Variants in EZR observed in about 807,000 individuals in gnomAD.
EZR encodes the protein cytovillin 2.
A neutral mutation model predicts 74.8 loss-of-function variants in EZR; 40 were observed. The ratio of observed to expected loss-of-function variants is 0.53; its 90% CI spans 0.42 to 0.70. The LOEUF (loss-of-function observed/expected upper bound fraction) is 0.70, where lower values mean the gene tolerates loss of function less well. EZR is among the 30% of genes least tolerant of loss of function. EZR has a pLI of 0.00. For synonymous variants in EZR, 341 were observed against 283.3 expected (o/e 1.20, Z -2.05); for missense variants, 678 against 755.8 (o/e 0.90, Z 1.21).
Position 158,767,333 on chromosome 6 carries a change from G to A in EZR, c.1524C>T (p.Ile508=). ...GCTTCTCCTCATTGCGGTCATCCCG[G>A]ATGCCCTCACTAGACAGCTCCGCGC... ...GYSAELSSEG[I]RDDRNEEKRI... The change falls in exon 13 of 14, where the codon ATC becomes ATT. Residue 508 remains isoleucine, a synonymous_variant. Transcript: ENST00000367075. The A allele has an allele frequency of 6.8e-6, 11 of 1,614,080 alleles. No homozygotes were observed. The highest frequency in any genetic ancestry group is 1.1e-5 in the South Asian group (1 of 91,076).
At chr6:158,771,470 A>G (rs1791107061) in intron 8 of EZR, 63 bp from the exon 9 acceptor site, 1 of 1,510,958 alleles carries the variant, frequency 6.6e-7, no homozygotes, top group Non-Finnish European at 8.9e-7. Flanking sequence ...TCTCCAAACC[A>G]TCCTTCACAA....
chr6:158,767,841 T>C (rs551970504), intron 12 of EZR, among the ~76,000 whole-genome samples: 1 of 152,148 alleles, frequency 6.6e-6, no homozygotes, highest in Non-Finnish European at 1.5e-5. Context: ...CCTCCCTTCA[T>C]GCCACAGTCA....
chr6:158,785,311 T>C lies in EZR; in HGVS notation c.465A>G (p.Gln155=), dbSNP rs1213941715. 6 of 1,613,718 alleles carry C rather than the reference T, an allele frequency of 3.7e-6. No individual in the cohort carries two copies. The Admixed American group carries it at 6.7e-5, about 18-fold the overall frequency. Residue 155 remains glutamine (Q), a splice_region_variant and synonymous_variant, in exon 5 of 14, where the codon CAA becomes CAG. Coordinates refer to ENST00000367075, the MANE Select transcript of EZR (RefSeq NM_001111077.2). ...AGGCCGGGTCATCCTGTGCTCACCT[T>C]TGAGGGATCAGCCGCTCAGAGCTGA... ...GYLSSERLIP[Q]RVMDQHKLTR...
At chr6:158,796,382 C>T (rs1777072494) in intron 2 of EZR, among the ~76,000 whole-genome samples, 2 of 152,256 alleles carry the variant, frequency 1.3e-5, no homozygotes, top group African/African-American at 2.4e-5. Flanking sequence ...ATCCTCTTTG[C>T]TCATTCCCTG....
intron 2 of EZR, among the ~76,000 whole-genome samples, chr6:158,814,943 C>CA (rs1214346866): frequency 6.6e-6 from 1 of 152,152 alleles, no homozygotes; most frequent in Non-Finnish European, 1.5e-5. Flanking sequence ...GTCATCCACT[C>CA]ACTCAGTTCA....
chr6:158,791,600 A>T (rs942852602), intron 2 of EZR, among the ~76,000 whole-genome samples: 1 of 151,624 alleles, frequency 6.6e-6, no homozygotes, highest in Admixed American at 6.6e-5. Flanking sequence ...TCTGCTATCT[A>T]CTGGTTCAGA....
chr6:158,796,789 C>T (rs1777081555), intron 2 of EZR, among the ~76,000 whole-genome samples: 1 of 152,204 alleles, frequency 6.6e-6, no homozygotes, highest in African/African-American at 2.4e-5. Flanking sequence ...GCCACAGTCT[C>T]CACTTCACAG....
intron 2 of EZR, among the ~76,000 whole-genome samples, chr6:158,799,270 G>A (rs1165050590): frequency 6.6e-6 from 1 of 152,162 alleles, no homozygotes; most frequent in Non-Finnish European, 1.5e-5. Context: ...CAGGCTAAGG[G>A]TCTGACTCAG....
intron 2 of EZR, among the ~76,000 whole-genome samples, chr6:158,810,439 A>G (rs143755619): frequency 6.6e-6 from 1 of 152,354 alleles, no homozygotes; most frequent in Non-Finnish European, 1.5e-5. Context: ...ACTACACTGC[A>G]TTGTAATTGC....
chr6:158,771,194 G>C (rs563150777), intron 9 of EZR, 50 bp downstream of exon 9: 6 of 1,558,102 alleles, frequency 3.9e-6, no homozygotes, highest in Non-Finnish European at 5.2e-6. Context: ...GCTGCCAGTG[G>C]CTGAGTTGGG....
chr6:158,780,182 C>CAA lies in EZR; in HGVS notation c.698+3336_698+3337dup, dbSNP rs67002848. On this transcript the variant is annotated intron_variant, in intron 7 of 13. Transcript: ENST00000367075. ...TGGGTGACACAGTGAGATTCCATAT[C>CAA]AAAAAAAAAAAAAAAACCAAGAATG... Among the ~76,000 whole-genome samples the CAA allele has an allele frequency of 2.8e-3, 357 of 127,186 alleles. 2 individuals carry two copies. The highest frequency in any genetic ancestry group is 0.011 in the East Asian group (37 of 3,484). 83.4% of individuals were successfully genotyped at this position (127,186 alleles called of 152,430 possible).
intron 2 of EZR, among the ~76,000 whole-genome samples, chr6:158,806,148 GTGCA>G (rs918549623): frequency 2.9e-4 from 44 of 152,284 alleles, no homozygotes; most frequent in Middle Eastern, 3.4e-3. Flanking sequence ...TTTAAAACAT[GTGCA>G]TGGAGGGTGA....
intron 2 of EZR, among the ~76,000 whole-genome samples, chr6:158,817,357 G>A (rs778867573): frequency 8.5e-5 from 13 of 152,186 alleles, no homozygotes; most frequent in Admixed American, 3.3e-4. Flanking sequence ...GGTCTCGCCA[G>A]CAATCTCAAC....
chr6:158,794,980 G>C (rs1777037528), intron 2 of EZR, among the ~76,000 whole-genome samples: 1 of 152,206 alleles, frequency 6.6e-6, no homozygotes, highest in Admixed American at 6.5e-5. Flanking sequence ...GCCAGGCGCA[G>C]TGGCTCACAC....
intron 8 of EZR, among the ~76,000 whole-genome samples, chr6:158,771,937 T>C (rs1299359607): frequency 6.6e-6 from 1 of 152,096 alleles, no homozygotes; most frequent in Non-Finnish European, 1.5e-5. Context: ...CCCACACTGT[T>C]ATTGCTACAC....
chr6:158,816,262 C>T (rs1229148096), intron 2 of EZR, among the ~76,000 whole-genome samples: 1 of 152,058 alleles, frequency 6.6e-6, no homozygotes, highest in Non-Finnish European at 1.5e-5. Flanking sequence ...GGCTATGTAA[C>T]AATGTAAATG....
intron 8 of EZR, among the ~76,000 whole-genome samples, chr6:158,773,704 G>A (rs1346892673): frequency 1.3e-5 from 2 of 152,258 alleles, no homozygotes; most frequent in Non-Finnish European, 2.9e-5. Flanking sequence ...GGAGGCAGCC[G>A]CGGGAGGCAA....
In EZR at chr6:158,785,288, G is replaced by C. The variant is rs1328551429; in HGVS notation, c.467+21C>G. 5.6e-6 allele frequency: 9 copies of C among 1,609,570 alleles called. No homozygotes were observed. In the African/African-American group the frequency reaches 6.7e-5, roughly 12 times the overall value. On this transcript the variant is annotated intron_variant, in intron 5 of 13. Coordinates refer to ENST00000367075, the MANE Select transcript of EZR (RefSeq NM_001111077.2). Reference sequence around the variant, plus strand: ...GGACGGCATGACTGCTCCTGCCCAGGCCGGGTCATCCTGTGCTCACCTTTG... The same window carrying C: ...GGACGGCATGACTGCTCCTGCCCAGCCCGGGTCATCCTGTGCTCACCTTTG...
At chr6:158,798,189 T>C (rs1029837409) in intron 2 of EZR, among the ~76,000 whole-genome samples, 1 of 138,100 alleles carries the variant, frequency 7.2e-6, no homozygotes, top group African/African-American at 2.6e-5. Flanking sequence ...CCAGGAATAT[T>C]CCATTGTGTG....
Sources: allele counts gnomAD v4.1 joint callset (sites outside exome capture counted in the v4.1 genomes callset), GRCh38; gene constraint gnomAD v4.1.1; transcripts MANE v1.5; gene names NCBI Gene and HGNC (gene_info 2026-07-23, HGNC 2026-07-21).